The following MEI4 variants were observed in gnomAD, a reference collection of about 807,000 sequenced individuals.
MEI4 encodes meiosis-specific protein MEI4.
A neutral mutation model predicts 31.4 loss-of-function variants in MEI4; 27 were observed. The ratio of observed to expected loss-of-function variants is 0.86; its 90% CI spans 0.63 to 1.19. MEI4 has a LOEUF of 1.19. Among genes scored for constraint, MEI4 ranks in the 50% most tolerant of loss-of-function variants. MEI4 has a pLI of 0.00. For synonymous variants in MEI4, 122 were observed against 145.4 expected (o/e 0.84, Z 1.16); for missense variants, 329 against 398.9 (o/e 0.82, Z 1.49).
At chr6:77,652,210 GA>G (rs1768310987), upstream of MEI4, among the ~76,000 whole-genome samples, 1 of 152,152 alleles carries the variant, frequency 6.6e-6, no homozygotes, top group Non-Finnish European at 1.5e-5. Context: ...TTAGAAGGCT[GA>G]TACAATCATA....
chr6:77,894,450 CT>C (rs1379184345), intron 4 of MEI4, among the ~76,000 whole-genome samples: 2 of 151,860 alleles, frequency 1.3e-5, no homozygotes, highest in Non-Finnish European at 2.9e-5. Context: ...ATACATACAG[CT>C]TTTTTTCTTC....
intron 1 of MEI4, among the ~76,000 whole-genome samples, chr6:77,662,322 G>T (rs1358586718): frequency 6.6e-6 from 1 of 152,094 alleles, no homozygotes; most frequent in African/African-American, 2.4e-5. Context: ...GTGTGATCAG[G>T]GTGAGAAACA....
intron 4 of MEI4, among the ~76,000 whole-genome samples, chr6:77,896,459 G>A (rs1034304028): frequency 1.1e-4 from 17 of 152,142 alleles, no homozygotes; most frequent in African/African-American, 3.9e-4. Flanking sequence ...GAATAGACTT[G>A]AACAAGTTTA....
Position 77,923,111 on chromosome 6 carries a change from C to G in MEI4, c.923C>G (p.Ser308Ter). ...INQEQASYDV[S>*]RYENIFYLFW... is the part of the protein sequence containing the mutation. ...TAGGAGCAAGCCAGTTATGATGTGT[C>G]ACGCTATGAAAACATTTTCTACCTG... Residue 308 changes from serine (S) to a stop codon, truncating the protein, a stop_gained, in exon 5 of 5, where the codon TCA becomes TGA. Transcript: ENST00000684080. LOFTEE classifies it high-confidence loss of function. 8.1e-7 allele frequency: 1 copy of G among 1,230,122 alleles called. No homozygotes were observed. Among genetic ancestry groups the G allele is most frequent in the Non-Finnish European group, 1.0e-6 (1 of 986,532 alleles). The allele number at this position is 1,230,122 out of a possible 1,614,324, so 76.2% of individuals were successfully genotyped here.
At chr6:77,812,032 TAAAC>T (rs955603255) in intron 3 of MEI4, among the ~76,000 whole-genome samples, 6 of 152,116 alleles carry the variant, frequency 3.9e-5, no homozygotes, top group African/African-American at 1.4e-4. Context: ...TGTGTGGAAA[TAAAC>T]CTTATTTCTG....
chr6:77,731,060 C>G (rs1208170761), intron 2 of MEI4, among the ~76,000 whole-genome samples: 1 of 151,938 alleles, frequency 6.6e-6, no homozygotes, highest in Non-Finnish European at 1.5e-5. Flanking sequence ...CAAGCCTTTG[C>G]TAGTGTGACT....
chr6:77,745,810 A>G (rs1475164231), intron 2 of MEI4, among the ~76,000 whole-genome samples: 1 of 152,234 alleles, frequency 6.6e-6, no homozygotes, highest in Non-Finnish European at 1.5e-5. Flanking sequence ...CTCAGGCTTA[A>G]GAATCTCACT....
At chr6:77,863,415 C>A (rs907815419) in intron 4 of MEI4, among the ~76,000 whole-genome samples, 2 of 151,966 alleles carry the variant, frequency 1.3e-5, no homozygotes, top group Non-Finnish European at 1.5e-5. Flanking sequence ...AAAACCAAGG[C>A]ACGGGAACTA....
intron 2 of MEI4, among the ~76,000 whole-genome samples, chr6:77,758,221 C>G (rs1458159305): frequency 6.6e-6 from 1 of 151,198 alleles, no homozygotes; most frequent in African/African-American, 2.4e-5. Flanking sequence ...GCTGATCGAT[C>G]ATTTTTCTGG....
intron 3 of MEI4, among the ~76,000 whole-genome samples, chr6:77,792,465 C>T (rs1255856615): frequency 6.6e-6 from 1 of 152,018 alleles, no homozygotes; most frequent in Non-Finnish European, 1.5e-5. Context: ...CTTGCCAGTA[C>T]TTGTTTTCTT....
At chr6:77,790,567 A>G (rs1354681425) in intron 3 of MEI4, among the ~76,000 whole-genome samples, 1 of 151,982 alleles carries the variant, frequency 6.6e-6, no homozygotes, top group Non-Finnish European at 1.5e-5. Context: ...AAAAATAGAA[A>G]AACTAAAAAT....
chr6:77,815,409 A>G (rs1374267566), intron 3 of MEI4, among the ~76,000 whole-genome samples: 1 of 152,156 alleles, frequency 6.6e-6, no homozygotes, highest in Non-Finnish European at 1.5e-5. Context: ...ATAACATTAA[A>G]TCATAATTTA....
chr6:77,700,581 C>T (rs868416368), intron 2 of MEI4, among the ~76,000 whole-genome samples: 31 of 152,300 alleles, frequency 2.0e-4, no homozygotes, highest in African/African-American at 6.3e-4. Flanking sequence ...GGCTCACATA[C>T]GGTGTGCTGC....
At position 77,872,408 on chromosome 6, in the gene MEI4, G is replaced by GTA. The variant is rs572879793; in HGVS notation, c.900+43349_900+43350dup. The stretch of plus-strand genomic sequence containing the variant: ...TGTAGTGTGCCATGATCATGCCTGT[G>GTA]TATAGCCACTTTAACCCAACCTGAA... On this transcript the variant is annotated intron_variant, in intron 4 of 4. Coordinates refer to ENST00000684080, the MANE Select transcript of MEI4 (RefSeq NM_001322247.2). Among the ~76,000 whole-genome samples, 16 of 152,008 alleles carry GTA rather than the reference G, an allele frequency of 1.1e-4. No homozygotes were observed. In the South Asian group the frequency reaches 3.3e-3, roughly 32 times the overall value.
At chr6:77,776,719 C>T (rs1226030591) in intron 3 of MEI4, among the ~76,000 whole-genome samples, 2 of 152,042 alleles carry the variant, frequency 1.3e-5, no homozygotes, top group African/African-American at 4.8e-5. Flanking sequence ...TCTGGATTTC[C>T]AATGATATGA....
intron 1 of MEI4, among the ~76,000 whole-genome samples, chr6:77,686,234 A>G (rs190240560): frequency 6.6e-6 from 1 of 152,278 alleles, no homozygotes; most frequent in East Asian, 1.9e-4. Flanking sequence ...ACTCAGCCTT[A>G]GGTATTCCTT....
intron 2 of MEI4, among the ~76,000 whole-genome samples, chr6:77,712,771 A>G (rs1223363077): frequency 6.6e-6 from 1 of 152,080 alleles, no homozygotes; most frequent in African/African-American, 2.4e-5. Flanking sequence ...GGAGATGGAG[A>G]CCATCCTAGC....
At chr6:77,669,302 ATTC>A (rs1768694626) in intron 1 of MEI4, among the ~76,000 whole-genome samples, 1 of 152,194 alleles carries the variant, frequency 6.6e-6, no homozygotes, top group Non-Finnish European at 1.5e-5. Context: ...ATTGTTAAAT[ATTC>A]TTTCTCATAC....
At chr6:77,798,861 A>G (rs1769162551) in intron 3 of MEI4, among the ~76,000 whole-genome samples, 1 of 151,702 alleles carries the variant, frequency 6.6e-6, no homozygotes, top group African/African-American at 2.4e-5. Context: ...CATGGTGTAT[A>G]TGTGCCAAAT....
Sources: gnomAD v4.1 joint callset for allele counts (sites outside exome capture counted in the v4.1 genomes callset) on GRCh38, gnomAD v4.1.1 for gene constraint, MANE v1.5 for transcripts, NCBI Gene and HGNC (gene_info 2026-07-23, HGNC 2026-07-21) for gene names.